Variants in NF1 observed in about 807,000 individuals in gnomAD.
NF1 encodes the protein neurofibromin.
In NF1, 122 loss-of-function variants were observed where a neutral mutation model predicts 325.7. The observed-to-expected ratio is 0.37, with a 90% CI of 0.32 to 0.44. NF1 has a LOEUF of 0.44. NF1 is among the 20% of genes least tolerant of loss of function. The pLI is 1.00. For missense variants in NF1, 2,140 were observed against 3,415.4 expected (o/e 0.63, Z 9.31); for synonymous variants, 1,091 against 1,186.0 (o/e 0.92, Z 1.65).
chr17:31,294,773 A>G (rs1432914653), intron 36 of NF1: 9 of 560,518 alleles, frequency 1.6e-5, no homozygotes, highest in African/African-American at 9.4e-5. Context: ...CATTTTTTTT[A>G]TAAAAGAAAC....
intron 29 of NF1, among the ~76,000 whole-genome samples, chr17:31,239,540 T>C (rs2067258124): frequency 8.4e-6 from 1 of 119,094 alleles, no homozygotes; most frequent in African/African-American, 4.6e-5. Context: ...GAGCAATACC[T>C]AAAGCAAGAT....
chr17:31,334,131 GA>G (rs1348006514), intron 39 of NF1, among the ~76,000 whole-genome samples: 3 of 151,754 alleles, frequency 2.0e-5, no homozygotes, highest in East Asian at 3.9e-4. Context: ...CTCAAAATAT[GA>G]AAAAAAATTT....
At chr17:31,130,552 C>A (rs555036100) in intron 1 of NF1, among the ~76,000 whole-genome samples, 1 of 141,494 alleles carries the variant, frequency 7.1e-6, no homozygotes, top group Non-Finnish European at 1.5e-5. Context: ...CCTCTGTGCA[C>A]GTTCATGCTG....
chr17:31,230,455 A>T (rs1567849941), intron 23 of NF1, 73 bp downstream of exon 23: 1 of 1,553,122 alleles, frequency 6.4e-7, no homozygotes, highest in Non-Finnish European at 8.9e-7. Context: ...AAAAGAGTAG[A>T]TATGCGGTTA....
chr17:31,245,088 T>C (rs757742148), intron 29 of NF1, among the ~76,000 whole-genome samples: 5 of 152,102 alleles, frequency 3.3e-5, no homozygotes, highest in Non-Finnish European at 7.4e-5. Flanking sequence ...AAACCTGAAA[T>C]GGACTGCAGT....
intron 46 of NF1, among the ~76,000 whole-genome samples, chr17:31,339,570 T>C (rs2525565): frequency 0.51 from 77,302 of 151,996 alleles, 21,229 homozygotes; most frequent in Non-Finnish European, 0.62. Context: ...CTACAAGCAT[T>C]CTAATTTTGT....
At chr17:31,334,158 G>C (rs1363821680) in intron 39 of NF1, among the ~76,000 whole-genome samples, 1 of 151,648 alleles carries the variant, frequency 6.6e-6, no homozygotes, top group Non-Finnish European at 1.5e-5. Context: ...GCGTGGTGGT[G>C]GGCGCCTGTA....
chr17:31,151,353 AC>A (rs1205465324), intron 1 of NF1, among the ~76,000 whole-genome samples: 1 of 152,166 alleles, frequency 6.6e-6, no homozygotes, highest in African/African-American at 2.4e-5. Flanking sequence ...CTCAGAACAT[AC>A]CCCATCACTA....
At chr17:31,321,583 T>C (rs1036371915) in intron 36 of NF1, 1 of 152,300 alleles carries the variant, frequency 6.6e-6, no homozygotes, top group African/African-American at 2.4e-5. Context: ...AGAATAGACT[T>C]GGAGAATATG....
intron 27 of NF1, among the ~76,000 whole-genome samples, chr17:31,234,605 G>A (rs2067168328): frequency 3.4e-5 from 5 of 149,246 alleles, no homozygotes; most frequent in Admixed American, 1.3e-4. Flanking sequence ...GAACCCAGGA[G>A]GGTTGCAGTG....
At chr17:31,294,374 C>G (rs16972168) in intron 36 of NF1, among the ~76,000 whole-genome samples, 2,214 of 152,182 alleles carry the variant, frequency 0.015, 61 homozygotes, top group African/African-American at 0.051. Flanking sequence ...TTTTGAAGAG[C>G]TTTTGTCCAT....
intron 36 of NF1, chr17:31,320,225 A>G: frequency 1.8e-6 from 1 of 554,792 alleles, no homozygotes; most frequent in Non-Finnish European, 3.0e-6. Context: ...ATTTATTTGA[A>G]TGAACTAAAA....
intron 3 of NF1, among the ~76,000 whole-genome samples, chr17:31,162,257 A>T (rs961698900): frequency 6.6e-6 from 1 of 151,492 alleles, no homozygotes; most frequent in African/African-American, 2.4e-5. Context: ...AGGGCGGATC[A>T]CTTGAGGTCA....
In NF1 at chr17:31,235,643, T is replaced by C; in HGVS notation, c.3741T>C (p.Phe1247=). ...TAGCTCGAGTTCTGGTTACTCTGTT[T>C]GATTCTCGGCATTTACTCTACCAAC... is the stretch of plus-strand genomic sequence containing the variant. ...DELARVLVTL[F]DSRHLLYQLL... Residue 1247 remains phenylalanine (F), a synonymous_variant, in exon 28 of 58, where the codon TTT becomes TTC. Coordinates refer to ENST00000358273, the MANE Select transcript of NF1 (RefSeq NM_001042492.3). 6.2e-7 allele frequency: 1 copy of C among 1,614,182 alleles called. No homozygotes were observed. Among genetic ancestry groups the C allele is most frequent in the South Asian group, 1.1e-5 (1 of 91,082 alleles).
At chr17:31,273,835 T>TG (rs1433455864) in intron 36 of NF1, among the ~76,000 whole-genome samples, 1 of 152,208 alleles carries the variant, frequency 6.6e-6, no homozygotes, top group Non-Finnish European at 1.5e-5. Context: ...AAGAATCCAG[T>TG]GAATAGCATT....
At chr17:31,247,411 G>A (rs1355950080) in intron 29 of NF1, among the ~76,000 whole-genome samples, 1 of 152,140 alleles carries the variant, frequency 6.6e-6, no homozygotes, top group Admixed American at 6.5e-5. Context: ...ACATCTAGCA[G>A]TTAGAAATGT....
In NF1 at chr17:31,227,599, A is replaced by G; in HGVS notation, c.2402A>G (p.Asp801Gly). 6.2e-7 allele frequency: 1 copy of G among 1,613,706 alleles called. No homozygotes were observed. The highest frequency in any genetic ancestry group is 2.2e-5 in the East Asian group (1 of 44,842). The change falls in exon 20 of 58, where the codon GAT becomes GGT. Residue 801 changes from aspartate (D) to glycine (G), a missense_variant. Transcript: ENST00000358273. ...AACTATCCAAAAGCCAAAATGGAAGATGGCCAGGTAAGTCTGTAAAGTTGA... is the reference window on the plus strand; with the variant it reads ...AACTATCCAAAAGCCAAAATGGAAGGTGGCCAGGTAAGTCTGTAAAGTTGA... ...ILNYPKAKME[D>G]GQAAESLHKT...
intron 36 of NF1, among the ~76,000 whole-genome samples, chr17:31,277,025 A>C (rs1284048323): frequency 6.6e-6 from 1 of 152,226 alleles, no homozygotes; most frequent in Non-Finnish European, 1.5e-5. Context: ...ATATTCTTAG[A>C]GTGAAATAAG....
chr17:31,164,119 C>A (rs1452685671), intron 4 of NF1, among the ~76,000 whole-genome samples: 1 of 152,124 alleles, frequency 6.6e-6, no homozygotes, highest in Non-Finnish European at 1.5e-5. Flanking sequence ...GGTGATGTGC[C>A]AAATAATGGA....
Sources: allele counts gnomAD v4.1 joint callset (sites outside exome capture counted in the v4.1 genomes callset), GRCh38; gene constraint gnomAD v4.1.1; transcripts MANE v1.5; gene names NCBI Gene and HGNC (gene_info 2026-07-23, HGNC 2026-07-21).